The following DIP2C variants were observed in gnomAD, a reference collection of about 807,000 sequenced individuals.
The protein encoded by DIP2C is disco-interacting protein 2 homolog C.
DIP2C carries 33 observed loss-of-function variants against 192.4 expected under a neutral mutation model. The observed-to-expected ratio is 0.17, with a 90% CI of 0.13 to 0.23. DIP2C has a LOEUF of 0.23. Among genes scored for constraint, DIP2C ranks in the 10% least tolerant of loss-of-function variants. The pLI is 1.00. For synonymous variants in DIP2C, 979 were observed against 864.1 expected (o/e 1.13, Z -2.33); for missense variants, 1,537 against 2,110.1 (o/e 0.73, Z 5.32).
intron 17 of DIP2C, among the ~76,000 whole-genome samples, chr10:376,417 A>C (rs918999006): frequency 6.7e-6 from 1 of 148,760 alleles, no homozygotes; most frequent in African/African-American, 2.5e-5. Flanking sequence ...GCGTCGAAGC[A>C]CCTGCACAAC....
intron 4 of DIP2C, among the ~76,000 whole-genome samples, chr10:425,198 C>T (rs373912898): frequency 3.4e-5 from 2 of 58,472 alleles, no homozygotes; most frequent in South Asian, 8.3e-4. Context: ...GCATGACCAG[C>T]GGTGACTAAT....
chr10:667,927 T>C (rs1467006930), intron 1 of DIP2C: 1 of 144,532 alleles, frequency 6.9e-6, no homozygotes, highest in Non-Finnish European at 1.5e-5. Flanking sequence ...GCAACTCACA[T>C]TCAACACGAC....
chr10:441,655 G>C (rs1967745129), intron 3 of DIP2C, among the ~76,000 whole-genome samples: 1 of 152,162 alleles, frequency 6.6e-6, no homozygotes, highest in Non-Finnish European at 1.5e-5. Context: ...CATGTAAAAA[G>C]TGCCTTTTGC....
intron 1 of DIP2C, among the ~76,000 whole-genome samples, chr10:670,173 AACATGTACACGTGTGTACATGTGTGC>A (rs1285105317): frequency 1.3e-5 from 2 of 152,048 alleles, no homozygotes; most frequent in Non-Finnish European, 2.9e-5. Context: ...CACATGCATG[AACATGTACACGTGTGTACATGTGTGC>A]ACATGTATGC....
At chr10:366,452 C>A (rs925784827) in intron 18 of DIP2C, 41 bp from the exon 19 acceptor site, 2 of 1,612,656 alleles carry the variant, frequency 1.2e-6, no homozygotes, top group Non-Finnish European at 1.7e-6. Flanking sequence ...TGAGAGGGGG[C>A]AGGTGGGGAG....
At chr10:396,976 A>G (rs1964042311) in intron 10 of DIP2C, among the ~76,000 whole-genome samples, 1 of 152,154 alleles carries the variant, frequency 6.6e-6, no homozygotes, top group South Asian at 2.1e-4. Flanking sequence ...GGAAATGAAA[A>G]TAGCAATCAT....
At chr10:628,274 A>T (rs1337441807) in intron 1 of DIP2C, among the ~76,000 whole-genome samples, 2 of 152,256 alleles carry the variant, frequency 1.3e-5, no homozygotes, top group Admixed American at 6.5e-5. Context: ...ATCAGCCAGA[A>T]ATGGTCCTTG....
At chr10:557,479 G>C (rs1027812932) in intron 1 of DIP2C, among the ~76,000 whole-genome samples, 1 of 151,316 alleles carries the variant, frequency 6.6e-6, no homozygotes, top group Non-Finnish European at 1.5e-5. Context: ...GGCCATGATG[G>C]CCTCTGCTGG....
intron 29 of DIP2C, among the ~76,000 whole-genome samples, chr10:336,820 G>T (rs1489087845): frequency 6.6e-6 from 1 of 152,188 alleles, no homozygotes; most frequent in African/African-American, 2.4e-5. Context: ...CCCTGTGGAG[G>T]CCTAGGCAGC....
chr10:349,480 A>G, intron 24 of DIP2C, 26 bp from the exon 25 acceptor site: 1 of 1,585,748 alleles, frequency 6.3e-7, no homozygotes, highest in Non-Finnish European at 8.6e-7. Context: ...AGGGACAAGC[A>G]CATAAGATTC....
In DIP2C at chr10:540,725, T is replaced by C. The variant is rs1247654318; in HGVS notation, c.86-54195A>G. Among the ~76,000 whole-genome samples, 12 of 152,052 alleles carry C rather than the reference T, an allele frequency of 7.9e-5. No homozygotes were observed. In the East Asian group the frequency reaches 2.3e-3, roughly 29 times the overall value. ...TGTAATTTTACCACAATAAAAAGACTAACTGAGAAAAGTAATCTCTAATTA... is the reference window on the plus strand; with the variant it reads ...TGTAATTTTACCACAATAAAAAGACCAACTGAGAAAAGTAATCTCTAATTA... On this transcript the variant is annotated intron_variant, in intron 1 of 36. Coordinates refer to ENST00000280886, the MANE Select transcript of DIP2C (RefSeq NM_014974.3).
chr10:394,127 T>C (rs907542188), intron 10 of DIP2C, among the ~76,000 whole-genome samples: 3 of 152,188 alleles, frequency 2.0e-5, no homozygotes, highest in Admixed American at 2.0e-4. Context: ...TTCACTGGAG[T>C]GTTATCCACA....
chr10:537,789 G>C (rs1215400665), intron 1 of DIP2C, among the ~76,000 whole-genome samples: 1 of 144,628 alleles, frequency 6.9e-6, no homozygotes, highest in African/African-American at 2.8e-5. Context: ...TCTTTCGTCT[G>C]CGAATTTTTT....
At chr10:563,106 C>CT (rs1004782542) in intron 1 of DIP2C, among the ~76,000 whole-genome samples, 19 of 152,210 alleles carry the variant, frequency 1.2e-4, no homozygotes, top group African/African-American at 4.1e-4. Flanking sequence ...ATCTGGAGGC[C>CT]TGTAATCTGA....
chr10:414,739 G>GTGTGTATATATATATATATATATATTA, intron 7 of DIP2C, among the ~76,000 whole-genome samples: 1 of 90,510 alleles, frequency 1.1e-5, no homozygotes, highest in Non-Finnish European at 2.1e-5. Context: ...GTGTGTGTGT[G>GTGTGTATATATATATATATATATATTA]TACATATATA....
chr10:503,540 T>C (rs2130722566), intron 1 of DIP2C, among the ~76,000 whole-genome samples: 1 of 152,318 alleles, frequency 6.6e-6, no homozygotes, highest in South Asian at 2.1e-4. Flanking sequence ...ACCATGGAAG[T>C]GTTCCTAGCC....
intron 32 of DIP2C, among the ~76,000 whole-genome samples, chr10:295,219 G>A (rs1306791720): frequency 6.6e-6 from 1 of 152,068 alleles, no homozygotes; most frequent in East Asian, 1.9e-4. Context: ...ATTGTTACTA[G>A]GGAGGCAAAA....
intron 32 of DIP2C, among the ~76,000 whole-genome samples, chr10:291,976 C>A (rs531502098): frequency 6.6e-6 from 1 of 152,134 alleles, no homozygotes; most frequent in African/African-American, 2.4e-5. Flanking sequence ...CCCTCTCCTG[C>A]GGGAAGTGTG....
At chr10:445,250 G>T (rs985429064) in intron 3 of DIP2C, among the ~76,000 whole-genome samples, 6 of 148,104 alleles carry the variant, frequency 4.1e-5, no homozygotes, top group African/African-American at 1.5e-4. Context: ...AGAGTCTCAT[G>T]GCCCATGGGG....
Sources: allele counts gnomAD v4.1 joint callset (sites outside exome capture counted in the v4.1 genomes callset), GRCh38; gene constraint gnomAD v4.1.1; transcripts MANE v1.5; gene names NCBI Gene and HGNC (gene_info 2026-07-23, HGNC 2026-07-21).